Variants in ASAP2 observed in about 807,000 individuals in gnomAD.
The protein encoded by ASAP2 is arf-GAP with SH3 domain, ANK repeat and PH domain-containing protein 2.
ASAP2 carries 45 observed loss-of-function variants against 131.4 expected under a neutral mutation model. The ratio of observed to expected loss-of-function variants is 0.34; its 90% CI spans 0.27 to 0.44. The LOEUF is 0.44. ASAP2 is among the 20% of genes least tolerant of loss of function. ASAP2 has a pLI of 1.00. For missense variants in ASAP2, 1,011 were observed against 1,297.0 expected (o/e 0.78, Z 3.39); for synonymous variants, 510 against 503.0 (o/e 1.01, Z -0.19).
At chr2:9,340,172 G>A (rs574522809) in intron 9 of ASAP2, among the ~76,000 whole-genome samples, 2 of 152,272 alleles carry the variant, frequency 1.3e-5, no homozygotes, top group East Asian at 3.9e-4. Flanking sequence ...ACAGGTACGC[G>A]CCACCACGCC....
At chr2:9,400,262 CTCTT>C (rs1676534819) in intron 25 of ASAP2, among the ~76,000 whole-genome samples, 190 bp downstream of exon 25, 15 of 108,512 alleles carry the variant, frequency 1.4e-4, no homozygotes, top group South Asian at 3.2e-4. Flanking sequence ...CCCTCCTGCC[CTCTT>C]CCTCTCCTTC....
intron 6 of ASAP2, among the ~76,000 whole-genome samples, chr2:9,324,957 C>CT (rs548779231): frequency 6.6e-6 from 1 of 151,958 alleles, no homozygotes; most frequent in Non-Finnish European, 1.5e-5. Context: ...TGTTATTTTA[C>CT]TTTTTTTTAT....
intron 1 of ASAP2, among the ~76,000 whole-genome samples, chr2:9,221,022 T>G (rs903193659): frequency 2.6e-5 from 4 of 152,202 alleles, no homozygotes; most frequent in Non-Finnish European, 5.9e-5. Context: ...TGCCTATCCT[T>G]TATGCTAGTA....
chr2:9,330,164 T>G (rs886389405), intron 7 of ASAP2, among the ~76,000 whole-genome samples: 3 of 152,192 alleles, frequency 2.0e-5, no homozygotes, highest in African/African-American at 7.2e-5. Context: ...CTAAAGCACT[T>G]GAGGTCAGGC....
Position 9,254,232 on chromosome 2 carries a change from A to G in ASAP2, c.127-25085A>G, listed in dbSNP as rs1229931590. Reference sequence around the variant, plus strand: ...TCAAAAAAAAAAAAAAAAAAAAAAAAAAAAATATATATATATATATATACA... The same window carrying G: ...TCAAAAAAAAAAAAAAAAAAAAAAAGAAAAATATATATATATATATATACA... On this transcript the variant is annotated intron_variant, in intron 1 of 27. Transcript: ENST00000281419. Among the ~76,000 whole-genome samples, 6 of 64,774 alleles carry G rather than the reference A, an allele frequency of 9.3e-5. No individual in the cohort carries two copies. In the East Asian group the frequency reaches 1.4e-3, roughly 15 times the overall value. The allele number at this position is 64,774 out of a possible 152,430, so 42.5% of individuals were successfully genotyped here. A position where few individuals can be genotyped will look rare whatever the true frequency, so the allele number is the denominator to read the frequency against.
In ASAP2 at chr2:9,389,017, C is replaced by G. The variant is rs1159520685; in HGVS notation, c.2383+471C>G. 1.3e-5 allele frequency among the ~76,000 whole-genome samples: 2 copies of G among 152,212 alleles called. No individual in the cohort carries two copies. The highest frequency in any genetic ancestry group is 2.9e-5 in the Non-Finnish European group (2 of 68,038). The stretch of plus-strand genomic sequence containing the variant: ...AAAGATATTGGGGAACGATGCTCGG[C>G]CTAATTGTAAAATACAAAACCAGCC... On this transcript the variant is annotated intron_variant, in intron 22 of 27. Transcript: ENST00000281419. The surrounding 1 kb of genome is among the most constrained non-coding windows in gnomAD (Gnocchi z 4.7).
chr2:9,305,248 A>G (rs1668801629), intron 3 of ASAP2, among the ~76,000 whole-genome samples: 1 of 149,282 alleles, frequency 6.7e-6, no homozygotes, highest in African/African-American at 2.5e-5. Flanking sequence ...TGGGGTATAC[A>G]TATTGGTGGA....
chr2:9,329,820 G>A (rs1017324872), intron 7 of ASAP2, among the ~76,000 whole-genome samples: 6 of 152,172 alleles, frequency 3.9e-5, no homozygotes, highest in African/African-American at 1.4e-4. Context: ...TTCCTAGAAG[G>A]CCTCTTTCCT....
At chr2:9,403,060 G>A (rs1354162371) in intron 27 of ASAP2, among the ~76,000 whole-genome samples, 193 bp from the exon 28 acceptor site, 1 of 152,218 alleles carries the variant, frequency 6.6e-6, no homozygotes, top group Non-Finnish European at 1.5e-5. Context: ...CACGGGAGAG[G>A]CCTGCACTAT....
In ASAP2 at chr2:9,323,323, A is replaced by T. The variant is rs186494885; in HGVS notation, c.600+73A>T. 269 of 1,576,658 alleles carry T rather than the reference A, an allele frequency of 1.7e-4. 1 individual carries two copies. The East Asian group carries it at 5.4e-3, about 32-fold the overall frequency. On this transcript the variant is annotated intron_variant, in intron 6 of 27. Transcript: ENST00000281419. ...CTGCCCTCACCTGTGGGAGCATCTC[A>T]CCGGTACCAGCGGCTTCAGAGAAAA...
At chr2:9,368,312 A>T in intron 15 of ASAP2, 113 bp from the exon 16 acceptor site, 1 of 955,024 alleles carries the variant, frequency 1.0e-6, no homozygotes, top group South Asian at 1.5e-5. Context: ...AAACCACTTT[A>T]TTGCTCTATT....
chr2:9,387,079 G>GCC (rs1014289896), intron 21 of ASAP2, among the ~76,000 whole-genome samples: 1 of 145,312 alleles, frequency 6.9e-6, no homozygotes. Context: ...GGTGGTGGGT[G>GCC]GGGGGGCGCC....
At chr2:9,260,395 A>G (rs1396476370) in intron 1 of ASAP2, among the ~76,000 whole-genome samples, 6 of 150,654 alleles carry the variant, frequency 4.0e-5, no homozygotes, top group Non-Finnish European at 7.4e-5. Flanking sequence ...CCCCTCTCCC[A>G]TCACCTCACT....
intron 7 of ASAP2, among the ~76,000 whole-genome samples, chr2:9,334,086 C>A (rs115471437): frequency 7.6e-6 from 1 of 131,368 alleles, no homozygotes; most frequent in Non-Finnish European, 1.5e-5. Flanking sequence ...CTCACTCTGT[C>A]GCCAGGCCAG....
At chr2:9,377,421 C>T (rs1308711053) in intron 18 of ASAP2, among the ~76,000 whole-genome samples, 1 of 152,236 alleles carries the variant, frequency 6.6e-6, no homozygotes. Flanking sequence ...AGATTAGAAA[C>T]CAGAGCACTG....
intron 3 of ASAP2, among the ~76,000 whole-genome samples, chr2:9,312,636 G>C (rs1259266754): frequency 6.6e-6 from 1 of 152,156 alleles, no homozygotes; most frequent in African/African-American, 2.4e-5. Context: ...TTTCCTTGAA[G>C]TTCCATGGTG....
chr2:9,377,554 C>T (rs906768298), intron 18 of ASAP2, among the ~76,000 whole-genome samples: 1 of 152,210 alleles, frequency 6.6e-6, no homozygotes, highest in African/African-American at 2.4e-5. Flanking sequence ...GGGCATATTG[C>T]TTCAGTCATG....
chr2:9,267,605 T>C (rs1337388874), intron 1 of ASAP2, among the ~76,000 whole-genome samples: 1 of 152,028 alleles, frequency 6.6e-6, no homozygotes, highest in Non-Finnish European at 1.5e-5. Context: ...ATTTAAAGAA[T>C]GATTATGAAG....
At chr2:9,365,297 C>G (rs1194785066) in intron 15 of ASAP2, among the ~76,000 whole-genome samples, 5 of 152,298 alleles carry the variant, frequency 3.3e-5, no homozygotes, top group African/African-American at 7.2e-5. Flanking sequence ...AGGCCCTCCA[C>G]CCTTCGGGGA....
Sources: allele counts gnomAD v4.1 joint callset (sites outside exome capture counted in the v4.1 genomes callset), GRCh38; gene constraint gnomAD v4.1.1; non-coding constraint Gnocchi (gnomAD v3.1); transcripts MANE v1.5; gene names NCBI Gene and HGNC (gene_info 2026-07-23, HGNC 2026-07-21).